The following MBOAT2 variants were observed in gnomAD, a reference collection of about 807,000 sequenced individuals.
MBOAT2 encodes membrane bound glycerophospholipid O-acyltransferase 2.
Under a neutral mutation model 63.4 loss-of-function variants are expected in MBOAT2, and 28 were observed. The ratio of observed to expected loss-of-function variants is 0.44; its 90% CI spans 0.33 to 0.61. The LOEUF (loss-of-function observed/expected upper bound fraction) is 0.61. Ranked by LOEUF, MBOAT2 falls within the 20% of genes least tolerant of loss-of-function variation. MBOAT2 has a pLI of 0.03. For synonymous variants in MBOAT2, 211 were observed against 215.6 expected (o/e 0.98, Z 0.19); for missense variants, 470 against 605.8 (o/e 0.78, Z 2.35).
intron 1 of MBOAT2, among the ~76,000 whole-genome samples, chr2:8,998,619 G>T (rs1180716805): frequency 6.6e-6 from 1 of 150,938 alleles, no homozygotes; most frequent in South Asian, 2.1e-4. Context: ...CGGGGGGCGG[G>T]GGTTGGGAAT....
At chr2:8,871,888 C>G (rs1044906841) in intron 8 of MBOAT2, among the ~76,000 whole-genome samples, 1 of 152,114 alleles carries the variant, frequency 6.6e-6, no homozygotes, top group Non-Finnish European at 1.5e-5. Flanking sequence ...ACAAGGCAAG[C>G]AGAACACAAT....
intron 1 of MBOAT2, among the ~76,000 whole-genome samples, chr2:8,990,581 C>CT (rs1365684192): frequency 6.6e-6 from 1 of 152,106 alleles, no homozygotes; most frequent in Non-Finnish European, 1.5e-5. Flanking sequence ...AAGTAAAACT[C>CT]TGAGTATATG....
intron 1 of MBOAT2, among the ~76,000 whole-genome samples, chr2:8,966,583 A>G (rs1339660171): frequency 6.6e-6 from 1 of 152,192 alleles, no homozygotes; most frequent in Non-Finnish European, 1.5e-5. Context: ...TCATCAACCA[A>G]CCTCGCAGCC....
At position 9,003,291 on chromosome 2, in the gene MBOAT2, G is replaced by T. The variant is rs1573304595; in HGVS notation, c.75+249C>A. Among the ~76,000 whole-genome samples the T allele has an allele frequency of 6.6e-6, 1 of 152,128 alleles. No homozygotes were observed. Among genetic ancestry groups the T allele is most frequent in the East Asian group, 1.9e-4 (1 of 5,162 alleles). ...ACGACCACCCTCCCCGGGGGCTGTC[G>T]CCGGCAACAACGCCCGGCCCACCTC... On this transcript the variant is annotated intron_variant, in intron 1 of 12. Transcript: ENST00000305997. The surrounding 1 kb of genome is among the most constrained non-coding windows in gnomAD (Gnocchi z 5.4).
At chr2:8,864,468 G>A (rs1458324907) in intron 9 of MBOAT2, among the ~76,000 whole-genome samples, 1 of 152,038 alleles carries the variant, frequency 6.6e-6, no homozygotes, top group Non-Finnish European at 1.5e-5. Flanking sequence ...ATTTTCTCTT[G>A]TATGTTAACA....
chr2:8,895,313 A>AATTGGTCCGTTTTACAGAGTGCTG (rs1558584404), intron 4 of MBOAT2, among the ~76,000 whole-genome samples: 6 of 150,392 alleles, frequency 4.0e-5, no homozygotes, highest in South Asian at 4.3e-4. Context: ...ACAGAGTGCT[A>AATTGGTCCGTTTTACAGAGTGCTG]ATTGGTCCGT....
At chr2:8,977,661 T>TA (rs1670915992) in intron 1 of MBOAT2, among the ~76,000 whole-genome samples, 1 of 152,180 alleles carries the variant, frequency 6.6e-6, no homozygotes, top group Non-Finnish European at 1.5e-5. Flanking sequence ...TCTGTCATTT[T>TA]AGTCTTGACC....
chr2:8,910,062 A>T (rs561563575), intron 3 of MBOAT2, among the ~76,000 whole-genome samples: 92 of 152,322 alleles, frequency 6.0e-4, no homozygotes, highest in Non-Finnish European at 1.2e-3. Flanking sequence ...TTAACCTGGG[A>T]GTTTCTACTT....
Position 8,877,021 on chromosome 2 carries a change from T to C in MBOAT2, c.690+9A>G, listed in dbSNP as rs1662746830. 6 of 1,600,702 alleles carry C rather than the reference T, an allele frequency of 3.7e-6. No homozygotes were observed. Among genetic ancestry groups the C allele is most frequent in the Non-Finnish European group, 5.1e-6 (6 of 1,174,782 alleles). ...CTGTAAAGGCTCCAGATAAATCTCATGACCTTACATTTGGAGATGGCTCTG... is the reference window on the plus strand; with the variant it reads ...CTGTAAAGGCTCCAGATAAATCTCACGACCTTACATTTGGAGATGGCTCTG... On this transcript the variant is annotated intron_variant, in intron 7 of 12. Coordinates refer to ENST00000305997, the MANE Select transcript of MBOAT2 (RefSeq NM_138799.4).
Position 8,868,503 on chromosome 2 carries a change from G to A in MBOAT2, c.930C>T (p.Asp310=), listed in dbSNP as rs201477086. 4.6e-5 allele frequency: 75 copies of A among 1,613,756 alleles called. No individual in the cohort carries two copies. The highest frequency in any genetic ancestry group is 1.1e-4 in the East Asian group (5 of 44,866). ...NAAGFGFRGY[D]ENGAARWDLI... ...AGTCCCAGCGAGCTGCTCCATTTTC[G>A]TCATACCCTCTGAAACCAAAGCCTG... Residue 310 remains aspartate (D), a synonymous_variant, in exon 9 of 13, where the codon GAC becomes GAT. Coordinates refer to ENST00000305997, the MANE Select transcript of MBOAT2 (RefSeq NM_138799.4).
intron 5 of MBOAT2, among the ~76,000 whole-genome samples, chr2:8,887,196 T>C (rs1488925566): frequency 1.3e-5 from 2 of 152,166 alleles, no homozygotes; most frequent in African/African-American, 2.4e-5. Flanking sequence ...GGCAGAAAGA[T>C]AGTTGCTGTT....
At chr2:8,888,132 G>T in intron 4 of MBOAT2, 59 bp from the exon 5 acceptor site, 1 of 1,459,862 alleles carries the variant, frequency 6.8e-7, no homozygotes, top group South Asian at 1.2e-5. Context: ...CAATACTTAT[G>T]ACATATGAGT....
intron 3 of MBOAT2, among the ~76,000 whole-genome samples, chr2:8,939,976 A>G (rs1046947374): frequency 6.6e-6 from 1 of 152,194 alleles, no homozygotes; most frequent in African/African-American, 2.4e-5. Context: ...AAATGAAATT[A>G]GATTACTTAA....
intron 10 of MBOAT2, among the ~76,000 whole-genome samples, chr2:8,863,197 A>T (rs989951714): frequency 2.6e-5 from 4 of 152,234 alleles, no homozygotes; most frequent in Admixed American, 2.0e-4. Context: ...AATTTAAATT[A>T]TAACAATAAC....
chr2:8,877,131 C>A lies in MBOAT2; in HGVS notation c.589G>T (p.Asp197Tyr). 6.2e-7 allele frequency: 1 copy of A among 1,614,120 alleles called. No homozygotes were observed. The highest frequency in any genetic ancestry group is 1.1e-5 in the South Asian group (1 of 91,078). The change falls in exon 7 of 13, where the codon GAC (aspartate) becomes TAC (tyrosine). Residue 197 changes from aspartate to tyrosine, a missense_variant. Physicochemically the swap from Asp to Tyr is radical, Grantham distance 160 (BLOSUM62 -3). Transcript: ENST00000305997. ...ILAGPLCSYKDYITFIEGRSY... is the reference protein window; with the variant it reads ...ILAGPLCSYKYYITFIEGRSY... ...CTGCCTTCAATGAAAGTAATGTAGT[C>A]TTTGTAAGAGCAAAGTGGGCCTGCC...
chr2:8,935,502 TAAA>T (rs1318944696), intron 3 of MBOAT2, among the ~76,000 whole-genome samples: 1 of 152,166 alleles, frequency 6.6e-6, no homozygotes, highest in Non-Finnish European at 1.5e-5. Flanking sequence ...TATGAATACT[TAAA>T]AACAAGCTTT....
chr2:8,882,665 C>T (rs550600756), intron 5 of MBOAT2, 100 bp from the exon 6 acceptor site: 11 of 1,011,264 alleles, frequency 1.1e-5, no homozygotes, highest in East Asian at 1.0e-4. Context: ...GAAATTCATG[C>T]TATTATATTC....
chr2:8,859,705 T>G (rs919819997), intron 12 of MBOAT2, among the ~76,000 whole-genome samples: 16 of 152,210 alleles, frequency 1.1e-4, no homozygotes, highest in African/African-American at 3.9e-4. Flanking sequence ...TATAAAAGAA[T>G]AAAGTTTTTG....
intron 4 of MBOAT2, among the ~76,000 whole-genome samples, chr2:8,898,104 G>A (rs1322617912): frequency 1.3e-5 from 2 of 152,228 alleles, no homozygotes; most frequent in Non-Finnish European, 2.9e-5. Flanking sequence ...TTGTGGGGTT[G>A]TCCCACGAGT....
Sources: allele counts gnomAD v4.1 joint callset (sites outside exome capture counted in the v4.1 genomes callset), GRCh38; gene constraint gnomAD v4.1.1; non-coding constraint Gnocchi (gnomAD v3.1); transcripts MANE v1.5; gene names NCBI Gene and HGNC (gene_info 2026-07-23, HGNC 2026-07-21).